Variants in AGBL1 observed in about 807,000 individuals in gnomAD.
The protein encoded by AGBL1 is cytosolic carboxypeptidase 4.
A neutral mutation model predicts 118.9 loss-of-function variants in AGBL1; 130 were observed. The observed-to-expected ratio is 1.09, with a 90% CI of 0.95 to 1.26. AGBL1 has a LOEUF of 1.26. Among genes scored for constraint, AGBL1 ranks in the 50% most tolerant of loss-of-function variants. The pLI is 0.00. For missense variants in AGBL1, 1,584 were observed against 1,298.1 expected (o/e 1.22, Z -3.38); for synonymous variants, 555 against 478.9 (o/e 1.16, Z -2.08).
intron 21 of AGBL1, among the ~76,000 whole-genome samples, chr15:86,632,630 G>GTTTTT (rs61180689): frequency 2.1e-5 from 3 of 143,554 alleles, no homozygotes; most frequent in Non-Finnish European, 1.5e-5. Flanking sequence ...ATCTCATCAT[G>GTTTTT]TTTTTTTTTT....
intron 19 of AGBL1, among the ~76,000 whole-genome samples, chr15:86,528,186 A>G (rs2083293852): frequency 6.6e-6 from 1 of 152,158 alleles, no homozygotes; most frequent in African/African-American, 2.4e-5. Context: ...CTGCATTTCC[A>G]TCTGAGGTAC....
At chr15:86,878,895 G>A (rs963308386) in intron 22 of AGBL1, among the ~76,000 whole-genome samples, 7 of 152,230 alleles carry the variant, frequency 4.6e-5, no homozygotes, top group African/African-American at 1.7e-4. Flanking sequence ...AACAGCCACT[G>A]GGATGGGATT....
intron 21 of AGBL1, among the ~76,000 whole-genome samples, chr15:86,619,611 C>T (rs2084777041): frequency 6.6e-6 from 1 of 152,126 alleles, no homozygotes; most frequent in African/African-American, 2.4e-5. Context: ...ATGGGCTGTG[C>T]GGTGGGGGTG....
intron 1 of AGBL1, among the ~76,000 whole-genome samples, chr15:86,140,467 C>T (rs141012677): frequency 1.3e-5 from 2 of 152,092 alleles, no homozygotes; most frequent in East Asian, 3.9e-4. Flanking sequence ...AAATATTTGC[C>T]CACCTTTTAT....
intron 21 of AGBL1, among the ~76,000 whole-genome samples, chr15:86,632,831 G>A (rs956716665): frequency 1.2e-4 from 18 of 150,658 alleles, no homozygotes; most frequent in South Asian, 2.1e-4. Flanking sequence ...TGTAAAAAAG[G>A]TTTTGCTAAT....
At chr15:86,426,350 A>G (rs2081866264) in intron 18 of AGBL1, among the ~76,000 whole-genome samples, 1 of 152,242 alleles carries the variant, frequency 6.6e-6, no homozygotes, top group South Asian at 2.1e-4. Flanking sequence ...GATCCAGGAC[A>G]AAGAAAATCT....
intron 23 of AGBL1, among the ~76,000 whole-genome samples, chr15:86,981,851 T>C (rs1259246726): frequency 6.6e-6 from 1 of 152,146 alleles, no homozygotes; most frequent in Non-Finnish European, 1.5e-5. Flanking sequence ...TCTGAGATGA[T>C]TATGGCACAA....
chr15:86,434,771 ATATCAGGTG>A (rs1316342392), intron 18 of AGBL1, among the ~76,000 whole-genome samples: 7 of 152,180 alleles, frequency 4.6e-5, no homozygotes. Flanking sequence ...GCAGCAACTA[ATATCAGGTG>A]TGTCTCTGGA....
rs144289203 is a variant in AGBL1, at chr15:86,155,145, A to G, written c.394+584A>G. 1.4e-3 allele frequency among the ~76,000 whole-genome samples: 219 copies of G among 152,298 alleles called. 2 individuals carry two copies. The highest frequency in any genetic ancestry group is 4.9e-3 in the African/African-American group (204 of 41,552). On this transcript the variant is annotated intron_variant, in intron 4 of 22. Coordinates refer to ENST00000614907, the MANE Select transcript of AGBL1 (RefSeq NM_001386094.1). ...TAGTAATTTTGTATTTAGACCCATA[A>G]TTTTATAGTTTTGAAAAAGAAACTT...
chr15:86,123,055 C>T (rs971873101), intron 1 of AGBL1, among the ~76,000 whole-genome samples: 1 of 152,138 alleles, frequency 6.6e-6, no homozygotes, highest in Non-Finnish European at 1.5e-5. Flanking sequence ...GCAAAGCTGT[C>T]GGTTGTGGGG....
chr15:86,124,495 A>G (rs1406898481), intron 1 of AGBL1, among the ~76,000 whole-genome samples: 1 of 152,136 alleles, frequency 6.6e-6, no homozygotes, highest in Non-Finnish European at 1.5e-5. Flanking sequence ...TCTTTGTGCT[A>G]CCTTTGTAAC....
chr15:86,256,882 C>G lies in AGBL1; in HGVS notation c.765C>G (p.Pro255=), dbSNP rs375624311. 43 of 1,613,720 alleles carry G rather than the reference C, an allele frequency of 2.7e-5. No homozygotes were observed. The highest frequency in any genetic ancestry group is 3.4e-5 in the Non-Finnish European group (40 of 1,179,872). The change falls in exon 8 of 23, where the codon CCC becomes CCG. Residue 255 remains proline (P), a synonymous_variant. Transcript: ENST00000614907. ...GCCTGGATGACAAGAGCATGGAGCC[C>G]GTCATCTCTGTGGTGCTTCAGATCC... ...QNCLDDKSME[P]VISVVLQILR... is the part of the protein sequence containing the mutation.
At chr15:86,369,514 C>G (rs2080940386) in intron 17 of AGBL1, among the ~76,000 whole-genome samples, 1 of 151,998 alleles carries the variant, frequency 6.6e-6, no homozygotes, top group Non-Finnish European at 1.5e-5. Context: ...GGGAAAGGAA[C>G]AAAAACAGAC....
chr15:86,200,293 G>T (rs1016738504), intron 5 of AGBL1, among the ~76,000 whole-genome samples: 6 of 152,122 alleles, frequency 3.9e-5, no homozygotes, highest in African/African-American at 1.2e-4. Flanking sequence ...ATGGATCAGA[G>T]ACTTAAAATT....
chr15:86,679,555 T>C (rs2085913895), intron 22 of AGBL1, among the ~76,000 whole-genome samples: 1 of 152,102 alleles, frequency 6.6e-6, no homozygotes. Flanking sequence ...TTCTTTTTCT[T>C]ATCTTATGAT....
intron 18 of AGBL1, among the ~76,000 whole-genome samples, chr15:86,401,669 G>T (rs2081447590): frequency 6.6e-6 from 1 of 152,030 alleles, no homozygotes; most frequent in Non-Finnish European, 1.5e-5. Context: ...TCTACATGTG[G>T]CTTGCCAGTT....
chr15:87,013,290 C>T (rs569860798), intron 24 of AGBL1, among the ~76,000 whole-genome samples: 1 of 152,218 alleles, frequency 6.6e-6, no homozygotes, highest in Non-Finnish European at 1.5e-5. Context: ...CTGGATGAAA[C>T]AAAGCCAGCC....
At chr15:86,649,915 T>C (rs933775022) in intron 21 of AGBL1, among the ~76,000 whole-genome samples, 2 of 152,236 alleles carry the variant, frequency 1.3e-5, no homozygotes, top group Admixed American at 6.5e-5. Flanking sequence ...ATAACACCCA[T>C]TGTTATCAAT....
At chr15:86,974,018 T>C (rs56111581) in intron 23 of AGBL1, among the ~76,000 whole-genome samples, 15 of 129,566 alleles carry the variant, frequency 1.2e-4, no homozygotes, top group African/African-American at 3.3e-4. Context: ...ACATATTTAA[T>C]ATATTAAATA....
Sources: allele counts gnomAD v4.1 joint callset (sites outside exome capture counted in the v4.1 genomes callset), GRCh38; gene constraint gnomAD v4.1.1; transcripts MANE v1.5; gene names NCBI Gene and HGNC (gene_info 2026-07-23, HGNC 2026-07-21).